The following RTTN variants were observed in gnomAD, a reference collection of about 807,000 sequenced individuals.
RTTN encodes rotatin.
A neutral mutation model predicts 269.2 loss-of-function variants in RTTN; 182 were observed. The observed-to-expected ratio is 0.68, with a 90% CI of 0.60 to 0.76. RTTN has a LOEUF of 0.76. RTTN is among the 30% of genes least tolerant of loss of function. RTTN has a pLI of 0.00. For missense variants in RTTN, 2,545 were observed against 2,608.6 expected, an observed-to-expected ratio of 0.98 and a Z score of 0.53; for synonymous variants, 1,006 against 963.5, an observed-to-expected ratio of 1.04 and a Z score of -0.82.
At chr18:70,098,585 C>T (rs1304581315) in intron 28 of RTTN, among the ~76,000 whole-genome samples, 1 of 152,044 alleles carries the variant, frequency 6.6e-6, no homozygotes, top group South Asian at 2.1e-4. Context: ...CAGAAAATAA[C>T]TAATTAGTAT....
rs1043795156 is a variant in RTTN, at chr18:70,095,474, G to A, written c.3904-2670C>T. Among the ~76,000 whole-genome samples, 7 of 152,264 alleles carry A rather than the reference G, an allele frequency of 4.6e-5. No individual in the cohort carries two copies. In the East Asian group the frequency reaches 1.4e-3, roughly 29 times the overall value. ...TCCATATTTAGTGCTTTCTTCAGGA[G>A]CTCTTGTAAGGCAGGCCTGGTGGTG... On this transcript the variant is annotated intron_variant, in intron 28 of 48. Transcript: ENST00000640769.
At chr18:70,096,905 T>C (rs2059018987) in intron 28 of RTTN, among the ~76,000 whole-genome samples, 1 of 152,182 alleles carries the variant, frequency 6.6e-6, no homozygotes, top group Non-Finnish European at 1.5e-5. Flanking sequence ...CAGCTGCCCC[T>C]TCCCCAAGGT....
chr18:70,178,802 T>C (rs1014271458), intron 10 of RTTN, among the ~76,000 whole-genome samples: 4 of 152,206 alleles, frequency 2.6e-5, no homozygotes, highest in East Asian at 3.9e-4. Flanking sequence ...GTGAATAATT[T>C]AGGGCAAAAT....
At chr18:70,141,087 C>G (rs946319697) in intron 19 of RTTN, among the ~76,000 whole-genome samples, 11 of 151,992 alleles carry the variant, frequency 7.2e-5, no homozygotes, top group African/African-American at 2.7e-4. Flanking sequence ...ACGAGTTTTT[C>G]TTGATCTTTT....
At chr18:70,080,791 C>G (rs1022810464) in intron 32 of RTTN, among the ~76,000 whole-genome samples, 1 of 151,910 alleles carries the variant, frequency 6.6e-6, no homozygotes, top group Non-Finnish European at 1.5e-5. Context: ...GGGTATCTAC[C>G]CAGAGGAAAA....
At chr18:70,114,803 A>G (rs2059562615) in intron 26 of RTTN, among the ~76,000 whole-genome samples, 1 of 152,144 alleles carries the variant, frequency 6.6e-6, no homozygotes, top group Non-Finnish European at 1.5e-5. Flanking sequence ...TTTATCATAT[A>G]AAATAGAAAA....
chr18:70,120,854 G>A (rs985925134), intron 26 of RTTN, among the ~76,000 whole-genome samples: 55 of 151,990 alleles, frequency 3.6e-4, no homozygotes, highest in African/African-American at 1.2e-3. Flanking sequence ...AGTTCAAGAC[G>A]AGCCTGGCCA....
At chr18:70,183,248 G>A (rs111509771) in intron 10 of RTTN, among the ~76,000 whole-genome samples, 119 of 152,324 alleles carry the variant, frequency 7.8e-4, no homozygotes, top group African/African-American at 2.5e-3. Flanking sequence ...TTTAGGAGAT[G>A]AAGATGCCTG....
intron 10 of RTTN, among the ~76,000 whole-genome samples, chr18:70,184,687 T>G (rs2061492727): frequency 7.2e-6 from 1 of 139,274 alleles, no homozygotes. Context: ...CTCAATTCCA[T>G]TCAAAACCAC....
chr18:70,031,115 T>C, intron 40 of RTTN, 134 bp from the exon 41 acceptor site: 1 of 604,886 alleles, frequency 1.7e-6, no homozygotes, highest in South Asian at 2.3e-5. Context: ...TGGATTTTGA[T>C]AAATCATTAA....
chr18:70,127,427 T>C (rs1210341298), intron 25 of RTTN, 75 bp downstream of exon 25: 1 of 1,531,364 alleles, frequency 6.5e-7, no homozygotes, highest in Non-Finnish European at 8.8e-7. Context: ...GACTCTTATC[T>C]TCAAAGGTTA....
intron 6 of RTTN, 26 bp from the exon 7 acceptor site, chr18:70,196,674 T>C: frequency 6.2e-7 from 1 of 1,603,794 alleles, no homozygotes; most frequent in Non-Finnish European, 8.5e-7. Context: ...GCCGTGAAAA[T>C]TACTAAGGGA....
chr18:70,162,720 G>A (rs932928922), intron 14 of RTTN, among the ~76,000 whole-genome samples: 17 of 151,540 alleles, frequency 1.1e-4, no homozygotes, highest in African/African-American at 3.6e-4. Flanking sequence ...ATTTGGGTGG[G>A]GACACAAAGA....
intron 45 of RTTN, among the ~76,000 whole-genome samples, chr18:70,018,873 C>A (rs1276655432): frequency 1.1e-5 from 1 of 93,728 alleles, no homozygotes; most frequent in African/African-American, 4.2e-5. Flanking sequence ...AAGATGTTTT[C>A]AGACAATTTC....
chr18:70,178,134 G>A (rs767439786), intron 10 of RTTN, among the ~76,000 whole-genome samples: 14 of 152,106 alleles, frequency 9.2e-5, no homozygotes, highest in Non-Finnish European at 2.1e-4. Context: ...TGTAATCCCA[G>A]CAGGATTGAA....
chr18:70,039,055 G>A (rs1275247159), intron 40 of RTTN, among the ~76,000 whole-genome samples: 3 of 152,116 alleles, frequency 2.0e-5, no homozygotes, highest in Non-Finnish European at 4.4e-5. Context: ...AAAGAAAAAT[G>A]AGAATAAAGA....
At chr18:70,163,926 A>G (rs2060915176) in intron 14 of RTTN, among the ~76,000 whole-genome samples, 1 of 152,208 alleles carries the variant, frequency 6.6e-6, no homozygotes, top group Admixed American at 6.5e-5. Context: ...AACATGGATG[A>G]GCCTTGAGAA....
Position 70,205,294 on chromosome 18 carries a change from C to G in RTTN, c.53G>C (p.Arg18Thr). The change falls in exon 2 of 49, where the codon AGG becomes ACG. Residue 18 changes from arginine to threonine, a missense_variant. Coordinates refer to ENST00000640769, the MANE Select transcript of RTTN (RefSeq NM_173630.4). ...RKLGHQLAEI[R>T]ERALKSILCK... ...GAGAATACTCTTGAGAGCGCGCTCC[C>G]TGATCTCGGCCAGCTGATGACCTGT... The G allele has an allele frequency of 6.2e-7, 1 of 1,614,210 alleles. No homozygotes were observed. The highest frequency in any genetic ancestry group is 8.5e-7 in the Non-Finnish European group (1 of 1,180,030).
At position 70,190,680 on chromosome 18, in the gene RTTN, G is replaced by A. The variant is rs377068028; in HGVS notation, c.1047C>T (p.Ser349=). Residue 349 remains serine, a synonymous_variant, in exon 9 of 49, where the codon TCC becomes TCT. Transcript: ENST00000640769. ...GTCCCATATCCAAAGGTGAATGAAC[G>A]GATATCCTGGAGTTTACATGAGCAT... The part of the protein sequence containing the change: ...SSHAHVNSRI[S]VHSPLDMGHI... 9.9e-6 allele frequency: 16 copies of A among 1,612,388 alleles called. No homozygotes were observed. Among genetic ancestry groups the A allele is most frequent in the South Asian group, 6.6e-5 (6 of 90,934 alleles).
Sources: gnomAD v4.1 joint callset for allele counts (sites outside exome capture counted in the v4.1 genomes callset) on GRCh38, gnomAD v4.1.1 for gene constraint, MANE v1.5 for transcripts, NCBI Gene and HGNC (gene_info 2026-07-23, HGNC 2026-07-21) for gene names.